The following ATP2B2 variants were observed in gnomAD, a reference collection of about 807,000 sequenced individuals.
The protein encoded by ATP2B2 is ATPase plasma membrane Ca2+ transporting 2, also known as plasma membrane calcium-transporting ATPase 2.
ATP2B2 carries 15 observed loss-of-function variants against 120.0 expected under a neutral mutation model. The ratio of observed to expected loss-of-function variants is 0.12; its 90% CI spans 0.08 to 0.19. The LOEUF (loss-of-function observed/expected upper bound fraction) is 0.19. Ranked by LOEUF, ATP2B2 falls within the 10% of genes least tolerant of loss-of-function variation. ATP2B2 has a pLI of 1.00. For missense variants in ATP2B2, 1,045 were observed against 1,719.8 expected, an observed-to-expected ratio of 0.61 and a Z score of 6.94; for synonymous variants, 694 against 700.3, an observed-to-expected ratio of 0.99 and a Z score of 0.14.
chr3:10,460,739 A>G (rs1020551649), intron 1 of ATP2B2, among the ~76,000 whole-genome samples: 1 of 152,228 alleles, frequency 6.6e-6, no homozygotes, highest in Non-Finnish European at 1.5e-5. Context: ...ACTTCAGTCC[A>G]TCAGTGCCAT....
Position 10,449,331 on chromosome 3 carries a change from T to A in ATP2B2, c.199+14A>T. ...CCTAGGCTGCAGCCCTGGGTTCAAG[T>A]CTTGAACACTTACCTTCAACAGGTG... On this transcript the variant is annotated intron_variant, in intron 2 of 22. Coordinates refer to ENST00000360273, the MANE Select transcript of ATP2B2 (RefSeq NM_001001331.4). 1 of 1,614,092 alleles carries A rather than the reference T, an allele frequency of 6.2e-7. No homozygotes were observed. The highest frequency in any genetic ancestry group is 2.2e-5 in the East Asian group (1 of 44,876).
chr3:10,698,646 A>C (rs1367507531), intron 1 of ATP2B2, among the ~76,000 whole-genome samples: 1 of 152,236 alleles, frequency 6.6e-6, no homozygotes, highest in Non-Finnish European at 1.5e-5. Flanking sequence ...TCATGTGACC[A>C]GTCTTCCTTT....
chr3:10,684,618 T>A (rs756116341), intron 1 of ATP2B2, among the ~76,000 whole-genome samples: 14 of 152,228 alleles, frequency 9.2e-5, no homozygotes, highest in Non-Finnish European at 1.9e-4. Context: ...AAAATCAGGA[T>A]GAAGATTTAT....
At chr3:10,632,328 T>C (rs2125639726) in intron 1 of ATP2B2, among the ~76,000 whole-genome samples, 1 of 152,310 alleles carries the variant, frequency 6.6e-6, no homozygotes, top group East Asian at 1.9e-4. Context: ...CAGCTGCTCG[T>C]CTCCCCGTTT....
intron 2 of ATP2B2, among the ~76,000 whole-genome samples, chr3:10,616,547 G>C (rs920430232): frequency 6.6e-6 from 1 of 152,212 alleles, no homozygotes. Context: ...CAGAACTGCA[G>C]CTCCAGGGAC....
intron 2 of ATP2B2, among the ~76,000 whole-genome samples, chr3:10,594,296 A>G (rs1054108988): frequency 3.3e-5 from 5 of 152,216 alleles, no homozygotes; most frequent in Admixed American, 3.3e-4. Flanking sequence ...TATTCACAAT[A>G]GCAAAGACTT....
Position 10,682,023 on chromosome 3 carries a change from G to T in ATP2B2, c.-460+25892C>A, listed in dbSNP as rs144049749. Among the ~76,000 whole-genome samples, 5 of 152,338 alleles carry T rather than the reference G, an allele frequency of 3.3e-5. No individual in the cohort carries two copies. In the East Asian group the frequency reaches 9.6e-4, roughly 29 times the overall value. Reference sequence around the variant, plus strand: ...CAGGGAAGGCTGCCCTAAGGAGGAGGCATTAGAGCTGGGTCATGAGGGATG... The same window carrying T: ...CAGGGAAGGCTGCCCTAAGGAGGAGTCATTAGAGCTGGGTCATGAGGGATG... On this transcript the variant is annotated intron_variant, in intron 1 of 21. Transcript: ENST00000646379.
At chr3:10,511,141 T>C (rs963310973) in intron 3 of ATP2B2, among the ~76,000 whole-genome samples, 1 of 152,160 alleles carries the variant, frequency 6.6e-6, no homozygotes, top group Non-Finnish European at 1.5e-5. Flanking sequence ...CGTCTTTGCA[T>C]GTGCCACCCC....
intron 3 of ATP2B2, among the ~76,000 whole-genome samples, chr3:10,514,508 G>A (rs882528): frequency 0.25 from 38,075 of 152,040 alleles, 5,080 homozygotes; most frequent in South Asian, 0.36. Flanking sequence ...GACTTGCGGC[G>A]CATCAGGGCT....
At chr3:10,667,221 G>T (rs576342131) in intron 1 of ATP2B2, among the ~76,000 whole-genome samples, 1 of 152,276 alleles carries the variant, frequency 6.6e-6, no homozygotes, top group East Asian at 1.9e-4. Context: ...GAGGAGTTAG[G>T]CATTCTCCCT....
At chr3:10,681,154 G>C (rs542943554) in intron 1 of ATP2B2, among the ~76,000 whole-genome samples, 2 of 152,290 alleles carry the variant, frequency 1.3e-5, no homozygotes, top group South Asian at 2.1e-4. Flanking sequence ...TGTATTCTCA[G>C]TCTGCAGAAC....
chr3:10,630,690 T>A (rs1314776143), intron 1 of ATP2B2, among the ~76,000 whole-genome samples: 2 of 152,230 alleles, frequency 1.3e-5, no homozygotes, highest in East Asian at 3.8e-4. Flanking sequence ...TCAGGTGAAG[T>A]TATTGTTATT....
chr3:10,604,985 G>C (rs2069023234), intron 2 of ATP2B2, among the ~76,000 whole-genome samples: 1 of 152,132 alleles, frequency 6.6e-6, no homozygotes, highest in African/African-American at 2.4e-5. Flanking sequence ...TTTTTACCCT[G>C]TCTATTAAAA....
chr3:10,687,307 T>C (rs1267632946), intron 1 of ATP2B2, among the ~76,000 whole-genome samples: 1 of 152,034 alleles, frequency 6.6e-6, no homozygotes, highest in Non-Finnish European at 1.5e-5. Context: ...CCTCATAAAA[T>C]GCTCAGTACA....
chr3:10,535,365 C>A (rs12714855), intron 2 of ATP2B2, among the ~76,000 whole-genome samples: 30,490 of 151,612 alleles, frequency 0.2, 4,131 homozygotes, highest in East Asian at 0.61. Context: ...CAATCTACAG[C>A]GCTTGCATGC....
intron 2 of ATP2B2, among the ~76,000 whole-genome samples, chr3:10,583,260 A>G (rs991528664): frequency 5.9e-5 from 9 of 152,228 alleles, no homozygotes; most frequent in African/African-American, 2.2e-4. Context: ...TGATGCTTGC[A>G]GTTGCAGTGA....
chr3:10,639,328 A>C (rs770982444), intron 1 of ATP2B2, among the ~76,000 whole-genome samples: 3 of 152,326 alleles, frequency 2.0e-5, no homozygotes, highest in Middle Eastern at 3.4e-3. Flanking sequence ...AAATACAATT[A>C]AGTGGGTAGC....
At chr3:10,685,932 AG>A (rs1210941668) in intron 1 of ATP2B2, among the ~76,000 whole-genome samples, 1 of 152,118 alleles carries the variant, frequency 6.6e-6, no homozygotes, top group African/African-American at 2.4e-5. Context: ...ATCCATTTGC[AG>A]CAGGGGTGAC....
chr3:10,598,648 C>T (rs906233037), intron 2 of ATP2B2, among the ~76,000 whole-genome samples: 2 of 152,228 alleles, frequency 1.3e-5, no homozygotes, highest in East Asian at 3.9e-4. Flanking sequence ...CTGCACTCCC[C>T]ACACCTACTT....
Sources: gnomAD v4.1 joint callset for allele counts (sites outside exome capture counted in the v4.1 genomes callset) on GRCh38, gnomAD v4.1.1 for gene constraint, MANE v1.5 for transcripts, NCBI Gene and HGNC (gene_info 2026-07-23, HGNC 2026-07-21) for gene names.